Variants in PROM1 observed in about 807,000 individuals in gnomAD.
PROM1 encodes the protein prominin-1.
A neutral mutation model predicts 116.9 loss-of-function variants in PROM1; 105 were observed. The ratio of observed to expected loss-of-function variants is 0.90; its 90% CI spans 0.77 to 1.06. PROM1 has a LOEUF of 1.06. PROM1 is among the 50% of genes least tolerant of loss of function. The pLI, the probability that PROM1 is intolerant of heterozygous loss-of-function variation, is 0.00. For synonymous variants in PROM1, 393 were observed against 387.0 expected, an observed-to-expected ratio of 1.02 and a Z score of -0.18; for missense variants, 1,122 against 1,045.2, an observed-to-expected ratio of 1.07 and a Z score of -1.01.
In PROM1 at chr4:16,018,512, C is replaced by T. The variant is rs1219467881; in HGVS notation, c.813G>A (p.Glu271=). The T allele has an allele frequency of 1.2e-6, 2 of 1,610,900 alleles. No homozygotes were observed. Among genetic ancestry groups the T allele is most frequent in the African/African-American group, 2.7e-5 (2 of 74,872 alleles). ...TAIKETKEAL[E]NMNSTLKSLH... The stretch of plus-strand genomic sequence containing the variant: ...AGCTCTTCAAGGTGCTGTTCATGTT[C>T]TCCAACGCCTCTTTGGTCTCCTTGA... Residue 271 remains glutamate, a synonymous_variant, in exon 9 of 28, where the codon GAG becomes GAA. Coordinates refer to ENST00000447510, the MANE Select transcript of PROM1 (RefSeq NM_006017.3).
At chr4:16,008,327 C>T (rs56131062) in intron 12 of PROM1, among the ~76,000 whole-genome samples, 5,105 of 152,220 alleles carry the variant, frequency 0.034, 173 homozygotes, top group East Asian at 0.11. Flanking sequence ...ACCCTCACCC[C>T]GGGTGAAACC....
rs1471130495 is a variant in PROM1, at chr4:15,992,271, T to A, written c.1888A>T (p.Asn630Tyr). Residue 630 changes from asparagine to tyrosine, a missense_variant, in exon 17 of 28, where the codon AAT (asparagine) becomes TAT (tyrosine). Coordinates refer to ENST00000447510, the MANE Select transcript of PROM1 (RefSeq NM_006017.3). ...DFAACGIDRM[N>Y]YDSYLAQTGK... ...ACCTGAGCCAAGTAGCTGTCATAAT[T>A]CATTCTGTCTATTCCACAAGCAGCA... 6.2e-7 allele frequency: 1 copy of A among 1,613,934 alleles called. No individual in the cohort carries two copies. The highest frequency in any genetic ancestry group is 1.7e-5 in the Admixed American group (1 of 60,022).
At position 16,009,036 on chromosome 4, in the gene PROM1, A is replaced by G. The variant is rs757326909; in HGVS notation, c.1214T>C (p.Ile405Thr). The change falls in exon 12 of 28, where the codon ATA becomes ACA. Residue 405 changes from isoleucine to threonine, a missense_variant. Transcript: ENST00000447510. ...AACATAAACAGAGAATGCTGAGAGT[A>G]TATCCTGAATAGGAAGACGCTGAGT... is the stretch of plus-strand genomic sequence containing the variant. ...NVTQRLPIQD[I>T]LSAFSVYVNN... 1 of 1,602,834 alleles carries G rather than the reference A, an allele frequency of 6.2e-7. No homozygotes were observed. The highest frequency in any genetic ancestry group is 8.5e-7 in the Non-Finnish European group (1 of 1,170,010).
chr4:16,004,068 A>G (rs1724571824), intron 13 of PROM1, among the ~76,000 whole-genome samples: 1 of 152,266 alleles, frequency 6.6e-6, no homozygotes, highest in African/African-American at 2.4e-5. Context: ...TCTTCTAATT[A>G]GTCTGATTAG....
At chr4:15,991,340 A>C (rs1577882774) in intron 17 of PROM1, 47 bp from the exon 18 acceptor site, 2 of 1,331,304 alleles carry the variant, frequency 1.5e-6, no homozygotes, top group East Asian at 2.5e-5. Flanking sequence ...GGGATCTTTA[A>C]GCCTTAACAC....
chr4:16,004,098 T>C (rs1338550021), intron 13 of PROM1, among the ~76,000 whole-genome samples: 1 of 152,236 alleles, frequency 6.6e-6, no homozygotes, highest in African/African-American at 2.4e-5. Flanking sequence ...GCTTGTATCA[T>C]CTCCTCCTTT....
chr4:16,018,681 A>C, intron 8 of PROM1, 141 bp from the exon 9 acceptor site: 1 of 691,860 alleles, frequency 1.4e-6, no homozygotes, highest in Non-Finnish European at 2.5e-6. Flanking sequence ...GCAGTCTGAG[A>C]GGGGAATACA....
chr4:16,038,244 A>G (rs2149404398), intron 3 of PROM1, among the ~76,000 whole-genome samples: 1 of 152,318 alleles, frequency 6.6e-6, no homozygotes, highest in South Asian at 2.1e-4. Context: ...ATACAAATGC[A>G]AAGCTACTTT....
At chr4:16,077,809 G>A (rs772167625) in intron 1 of PROM1, among the ~76,000 whole-genome samples, 2 of 152,138 alleles carry the variant, frequency 1.3e-5, no homozygotes, top group Non-Finnish European at 2.9e-5. Context: ...AGTGTGTGTT[G>A]TTCTCTTTGC....
chr4:16,042,597 A>C (rs1028589731), intron 2 of PROM1, among the ~76,000 whole-genome samples: 3 of 152,212 alleles, frequency 2.0e-5, no homozygotes, highest in Admixed American at 2.0e-4. Flanking sequence ...ACAAATTTAA[A>C]TTTTTTTAAT....
intron 1 of PROM1, 91 bp downstream of exon 1, chr4:16,083,886 GC>G (rs1745510000): frequency 6.6e-6 from 1 of 152,254 alleles, no homozygotes; most frequent in South Asian, 2.1e-4. Context: ...AGGCCCGGGT[GC>G]CCGGGGGGAC....
chr4:16,063,945 G>C (rs187014432), intron 2 of PROM1, among the ~76,000 whole-genome samples: 27 of 152,276 alleles, frequency 1.8e-4, no homozygotes, highest in African/African-American at 6.5e-4. Context: ...TTGGAGCTGA[G>C]TGATGGATAA....
intron 2 of PROM1, among the ~76,000 whole-genome samples, chr4:16,068,057 T>A (rs1741940623): frequency 6.6e-6 from 1 of 151,414 alleles, no homozygotes; most frequent in Admixed American, 6.6e-5. Context: ...AGGGAGAGGG[T>A]AGGGGAGGAG....
chr4:15,984,790 T>C (rs1046674429), intron 22 of PROM1, among the ~76,000 whole-genome samples: 9 of 152,344 alleles, frequency 5.9e-5, no homozygotes, highest in Middle Eastern at 6.8e-3. Context: ...GATTCTACAC[T>C]GTGGTGAATT....
intron 2 of PROM1, among the ~76,000 whole-genome samples, chr4:16,057,960 T>C (rs1242333624): frequency 6.6e-6 from 1 of 152,140 alleles, no homozygotes; most frequent in Non-Finnish European, 1.5e-5. Flanking sequence ...CCTATACCTG[T>C]GGCGAAGGGT....
At chr4:15,989,613 A>C (rs998722838) in intron 19 of PROM1, 119 bp downstream of exon 19, 3 of 848,814 alleles carry the variant, frequency 3.5e-6, no homozygotes, top group Non-Finnish European at 5.9e-6. Flanking sequence ...CTGGGGCTGA[A>C]GCCAGTCAGC....
At chr4:16,063,269 A>G (rs1283803113) in intron 2 of PROM1, among the ~76,000 whole-genome samples, 1 of 152,196 alleles carries the variant, frequency 6.6e-6, no homozygotes, top group East Asian at 1.9e-4. Flanking sequence ...TGCAAGAGGG[A>G]AAAAGACATA....
chr4:15,989,098 G>A (rs1270071083), intron 19 of PROM1, among the ~76,000 whole-genome samples: 1 of 152,150 alleles, frequency 6.6e-6, no homozygotes, highest in Admixed American at 6.5e-5. Context: ...TCCATGAACA[G>A]GTAAGAGCAA....
chr4:15,992,153 ATC>A (rs1721218879), intron 17 of PROM1, 93 bp downstream of exon 17: 4 of 1,498,144 alleles, frequency 2.7e-6, no homozygotes, highest in Non-Finnish European at 3.7e-6. Flanking sequence ...CATCATGTGA[ATC>A]TCATCTTAAT....
Sources: allele counts gnomAD v4.1 joint callset (sites outside exome capture counted in the v4.1 genomes callset), GRCh38; gene constraint gnomAD v4.1.1; transcripts MANE v1.5; gene names NCBI Gene and HGNC (gene_info 2026-07-23, HGNC 2026-07-21).